RAB20: variants seen among roughly 807,000 people sequenced by gnomAD.
RAB20 encodes the protein ras-related protein Rab-20.
In RAB20, 2 loss-of-function variants were observed where a neutral mutation model predicts 3.7. The ratio of observed to expected loss-of-function variants is 0.54; its 90% confidence interval spans 0.22 to 1.69. The LOEUF (loss-of-function observed/expected upper bound fraction) is 1.69, where lower values mean the gene tolerates loss of function less well. Among genes scored for constraint, RAB20 ranks in the 40% most tolerant of loss-of-function variants. RAB20 has a pLI of 0.19. For missense variants in RAB20, 276 were observed against 311.9 expected, an observed-to-expected ratio of 0.88 and a Z score of 0.87; for synonymous variants, 126 against 130.8, an observed-to-expected ratio of 0.96 and a Z score of 0.25.
At chr13:110,553,903 C>T (rs1321390865) in intron 1 of RAB20, among the ~76,000 whole-genome samples, 1 of 152,156 alleles carries the variant, frequency 6.6e-6, no homozygotes, top group African/African-American at 2.4e-5. Context: ...ATCACTTTAG[C>T]CCAGGAGTTC....
intron 1 of RAB20, among the ~76,000 whole-genome samples, chr13:110,531,518 T>TAC (rs1248417315): frequency 1.3e-5 from 2 of 152,236 alleles, no homozygotes; most frequent in African/African-American, 4.8e-5. Context: ...AGACATGCGG[T>TAC]ACCTCAGTTT....
intron 1 of RAB20, among the ~76,000 whole-genome samples, chr13:110,548,045 G>A (rs1351157842): frequency 6.6e-6 from 1 of 152,172 alleles, no homozygotes; most frequent in Non-Finnish European, 1.5e-5. Flanking sequence ...AAGGCTCTTA[G>A]TAATAAAATT....
chr13:110,548,636 G>T (rs1431857420), intron 1 of RAB20, among the ~76,000 whole-genome samples: 2 of 152,000 alleles, frequency 1.3e-5, no homozygotes, highest in East Asian at 1.9e-4. Context: ...TTTATGCGGG[G>T]TCTGTCGGTG....
intron 1 of RAB20, among the ~76,000 whole-genome samples, chr13:110,552,709 A>C: frequency 6.8e-6 from 1 of 146,084 alleles, no homozygotes; most frequent in Admixed American, 6.7e-5. Flanking sequence ...ATAAATAAAT[A>C]AATAAATAAA....
chr13:110,534,732 T>A (rs1466853385), intron 1 of RAB20, among the ~76,000 whole-genome samples: 1 of 152,124 alleles, frequency 6.6e-6, no homozygotes, highest in Non-Finnish European at 1.5e-5. Flanking sequence ...CTGGACCTCA[T>A]CATAAATGCA....
intron 1 of RAB20, among the ~76,000 whole-genome samples, chr13:110,560,482 A>G (rs1885111456): frequency 6.6e-6 from 1 of 152,216 alleles, no homozygotes; most frequent in Admixed American, 6.5e-5. Flanking sequence ...TAAGATGCTA[A>G]CATAAAAGAA....
rs1186349730 is a variant in RAB20 at position 110,523,302 on chromosome 13, G to A, written c.*363C>T. On this transcript the variant is annotated 3_prime_UTR_variant, in exon 2 of 2. Coordinates refer to ENST00000267328, the MANE Select transcript of RAB20 (RefSeq NM_017817.3). The stretch of plus-strand genomic sequence containing the variant: ...TGGTAACAACCCAGGGTGCTGAAAC[G>A]GTCAGAGGTGCAGGTGCAGACGCAG... 7 of 466,506 alleles carry A rather than the reference G, an allele frequency of 1.5e-5. No individual in the cohort carries two copies. The highest frequency in any genetic ancestry group is 3.9e-5 in the African/African-American group (2 of 50,792). The allele number at this position is 466,506 out of a possible 1,614,324, so 28.9% of individuals were successfully genotyped here.
At chr13:110,549,591 C>G (rs1478373176) in intron 1 of RAB20, among the ~76,000 whole-genome samples, 1 of 152,224 alleles carries the variant, frequency 6.6e-6, no homozygotes, top group Non-Finnish European at 1.5e-5. Flanking sequence ...GTCATTAGAC[C>G]CTCCTTCCAG....
chr13:110,561,277 G>T, intron 1 of RAB20, 71 bp downstream of exon 1: 1 of 1,463,730 alleles, frequency 6.8e-7, no homozygotes, highest in South Asian at 1.4e-5. Flanking sequence ...CGGGTGCCCT[G>T]CTGGAAGCCC....
chr13:110,524,720 A>T (rs888858609), intron 1 of RAB20, among the ~76,000 whole-genome samples: 31 of 152,240 alleles, frequency 2.0e-4, no homozygotes, highest in Non-Finnish European at 3.1e-4. Context: ...TGCTGCGGGG[A>T]GGGCTTCTGA....
At position 110,523,236 on chromosome 13, in the gene RAB20, GAGAAACGCTTGAGAAC is replaced by G. The variant is rs1884360611; in HGVS notation, c.*413_*428del. 1 of 411,092 alleles carries G rather than the reference GAGAAACGCTTGAGAAC, an allele frequency of 2.4e-6. No homozygotes were observed. The highest frequency in any genetic ancestry group is 4.3e-6 in the Non-Finnish European group (1 of 233,406). The allele number at this position is 411,092 out of a possible 1,614,324, so 25.5% of individuals were successfully genotyped here. On this transcript the variant is annotated 3_prime_UTR_variant, in exon 2 of 2. Transcript: ENST00000267328. ...AGGACCAAAGACAACTCACAGTGAA[GAGAAACGCTTGAGAAC>G]AAGAAATGTCAGAGTTGTAGGACGT...
chr13:110,537,686 G>T (rs1357600186), intron 1 of RAB20, among the ~76,000 whole-genome samples: 1 of 151,518 alleles, frequency 6.6e-6, no homozygotes, highest in Non-Finnish European at 1.5e-5. Flanking sequence ...TTCCTAAAGT[G>T]AGTCCAGCCA....
intron 1 of RAB20, among the ~76,000 whole-genome samples, chr13:110,550,633 G>A (rs1479200681): frequency 6.6e-6 from 1 of 152,148 alleles, no homozygotes; most frequent in Non-Finnish European, 1.5e-5. Flanking sequence ...GTGGCGCTGT[G>A]AGAGCAGAGG....
chr13:110,549,704 A>C (rs1013090286), intron 1 of RAB20, among the ~76,000 whole-genome samples: 1 of 144,354 alleles, frequency 6.9e-6, no homozygotes, highest in Non-Finnish European at 1.5e-5. Context: ...CTTTTTATCC[A>C]ATCACACTTT....
Position 110,523,166 on chromosome 13 carries a change from C to A in RAB20, c.*499G>T. 2.5e-6 allele frequency: 1 copy of A among 400,622 alleles called. No homozygotes were observed. The highest frequency in any genetic ancestry group is 4.4e-6 in the Non-Finnish European group (1 of 227,900). 24.8% of individuals were successfully genotyped at this position (400,622 alleles called of 1,614,324 possible). ...CCTGATTTTGTATAAATGAACACGT[C>A]GAGAGTCAGGATTATAAAGCATCAA... On this transcript the variant is annotated 3_prime_UTR_variant, in exon 2 of 2. Transcript: ENST00000267328.
At chr13:110,550,006 G>C (rs1404957472) in intron 1 of RAB20, among the ~76,000 whole-genome samples, 1 of 152,198 alleles carries the variant, frequency 6.6e-6, no homozygotes, top group Non-Finnish European at 1.5e-5. Context: ...TGACAGGCCT[G>C]AGCCACCACA....
At chr13:110,554,408 G>T (rs376097541) in intron 1 of RAB20, among the ~76,000 whole-genome samples, 18 of 152,282 alleles carry the variant, frequency 1.2e-4, no homozygotes, top group South Asian at 4.1e-4. Context: ...TGAGGTTTGT[G>T]TGTGGACTGG....
chr13:110,526,189 C>G (rs117362620), intron 1 of RAB20, among the ~76,000 whole-genome samples: 5 of 100,070 alleles, frequency 5.0e-5, no homozygotes, highest in African/African-American at 2.1e-4. Context: ...GAGCTGGGAA[C>G]GACTGACAGC....
chr13:110,550,053 T>C (rs994911754), intron 1 of RAB20, among the ~76,000 whole-genome samples: 4 of 152,196 alleles, frequency 2.6e-5, no homozygotes, highest in South Asian at 2.1e-4. Context: ...ATGATGCCCA[T>C]GCCTCAACCA....
Sources: gnomAD v4.1 joint callset for allele counts (sites outside exome capture counted in the v4.1 genomes callset) on GRCh38, gnomAD v4.1.1 for gene constraint, MANE v1.5 for transcripts, NCBI Gene and HGNC (gene_info 2026-07-23, HGNC 2026-07-21) for gene names.